Variants in CADPS observed in about 807,000 individuals in gnomAD.
CADPS encodes calcium dependent secretion activator, also known as calcium-dependent secretion activator 1.
Under a neutral mutation model 167.3 loss-of-function variants are expected in CADPS, and 57 were observed. That is an observed-to-expected ratio of 0.34 (90% CI 0.28 to 0.42). The LOEUF (loss-of-function observed/expected upper bound fraction) is 0.42. Among genes scored for constraint, CADPS ranks in the 20% least tolerant of loss-of-function variants. The pLI is 1.00. For synonymous variants in CADPS, 676 were observed against 635.3 expected (o/e 1.06, Z -0.96); for missense variants, 1,414 against 1,738.1 (o/e 0.81, Z 3.32).
intron 3 of CADPS, among the ~76,000 whole-genome samples, chr3:62,665,633 G>A (rs1579988315): frequency 6.6e-6 from 1 of 152,166 alleles, no homozygotes; most frequent in Admixed American, 6.5e-5. Flanking sequence ...GATCCATAGA[G>A]CCACCACTGG....
At chr3:62,724,537 C>T (rs2076392351) in intron 3 of CADPS, among the ~76,000 whole-genome samples, 1 of 151,964 alleles carries the variant, frequency 6.6e-6, no homozygotes, top group Non-Finnish European at 1.5e-5. Context: ...AATTTTAGTG[C>T]CAAAAAAAAG....
intron 3 of CADPS, among the ~76,000 whole-genome samples, chr3:62,709,826 G>C (rs1274901551): frequency 1.3e-5 from 2 of 152,018 alleles, no homozygotes; most frequent in Non-Finnish European, 2.9e-5. Flanking sequence ...CTGGAGTGCA[G>C]TGGTGTAATC....
intron 1 of CADPS, among the ~76,000 whole-genome samples, chr3:62,872,254 T>A (rs1288541010): frequency 2.6e-5 from 4 of 152,238 alleles, no homozygotes; most frequent in Non-Finnish European, 5.9e-5. Flanking sequence ...ACAGTGATTA[T>A]GCAAACCTTT....
intron 7 of CADPS, among the ~76,000 whole-genome samples, chr3:62,586,496 G>A (rs1201903645): frequency 6.6e-6 from 1 of 152,142 alleles, no homozygotes; most frequent in African/African-American, 2.4e-5. Context: ...AGGAGGAGGA[G>A]GAGGCCATGG....
chr3:62,718,381 T>C (rs1235228156), intron 3 of CADPS, among the ~76,000 whole-genome samples: 1 of 152,184 alleles, frequency 6.6e-6, no homozygotes, highest in African/African-American at 2.4e-5. Flanking sequence ...GCTACGTAGG[T>C]CAAACAATTT....
chr3:62,615,654 T>G (rs1348953195), intron 6 of CADPS, among the ~76,000 whole-genome samples: 1 of 152,074 alleles, frequency 6.6e-6, no homozygotes, highest in Non-Finnish European at 1.5e-5. Context: ...ACAGTGACTG[T>G]CTCACAATAT....
intron 13 of CADPS, among the ~76,000 whole-genome samples, chr3:62,524,232 C>G (rs566869117): frequency 3.3e-5 from 5 of 152,320 alleles, no homozygotes; most frequent in East Asian, 3.9e-4. Context: ...AAAGCATTAT[C>G]TTCTCAAAAG....
intron 2 of CADPS, among the ~76,000 whole-genome samples, chr3:62,754,566 G>T (rs1477504414): frequency 1.3e-5 from 2 of 152,128 alleles, no homozygotes; most frequent in African/African-American, 4.8e-5. Context: ...ACGATGCACT[G>T]CAGCCTCAAA....
chr3:62,854,196 C>G (rs938120865), intron 1 of CADPS, among the ~76,000 whole-genome samples: 2 of 152,110 alleles, frequency 1.3e-5, no homozygotes, highest in African/African-American at 4.8e-5. Flanking sequence ...TTAACACTTG[C>G]TAAGTTATAT....
chr3:62,461,880 C>G (rs957432675), intron 26 of CADPS, among the ~76,000 whole-genome samples: 17 of 152,258 alleles, frequency 1.1e-4, no homozygotes, highest in Admixed American at 2.6e-4. Context: ...CGAGAACACA[C>G]CTTTCTAGCT....
At chr3:62,822,487 T>C (rs2073160322) in intron 1 of CADPS, among the ~76,000 whole-genome samples, 1 of 152,124 alleles carries the variant, frequency 6.6e-6, no homozygotes, top group Non-Finnish European at 1.5e-5. Flanking sequence ...GGAAAACGGA[T>C]GGATTTCTCC....
At chr3:62,428,296 CTTTTTTT>C (rs34002756) in intron 28 of CADPS, among the ~76,000 whole-genome samples, 11 of 64,644 alleles carry the variant, frequency 1.7e-4, no homozygotes, top group Middle Eastern at 0.013. Flanking sequence ...GGAAGCAAGA[CTTTTTTT>C]TTTTTTTTTT....
At position 62,399,223 on chromosome 3, in the gene CADPS, G is replaced by T; in HGVS notation, c.*183C>A. On this transcript the variant is annotated 3_prime_UTR_variant, in exon 30 of 30. Transcript: ENST00000383710. This position sits in a 1 kb window ranked among gnomAD's most constrained non-coding sequence, Gnocchi z 5.6. ...GTAAACATATAGACATGGACATCAG[G>T]AAATCAGTGGATATGAAGGTCATTT... 1 of 581,090 alleles carries T rather than the reference G, an allele frequency of 1.7e-6. No homozygotes were observed. Among genetic ancestry groups the T allele is most frequent in the Admixed American group, 3.0e-5 (1 of 33,110 alleles). The allele number at this position is 581,090 out of a possible 1,614,324, so 36.0% of individuals were successfully genotyped here. A position where few individuals can be genotyped will look rare whatever the true frequency, so the allele number is the denominator to read the frequency against.
intron 6 of CADPS, among the ~76,000 whole-genome samples, chr3:62,604,598 G>C (rs1311612989): frequency 1.3e-5 from 2 of 152,236 alleles, no homozygotes; most frequent in Admixed American, 6.5e-5. Flanking sequence ...GGCATAGTGA[G>C]GAACTGTCAA....
At chr3:62,709,336 T>A (rs2151754189) in intron 3 of CADPS, among the ~76,000 whole-genome samples, 1 of 152,296 alleles carries the variant, frequency 6.6e-6, no homozygotes, top group East Asian at 1.9e-4. Flanking sequence ...AGGGCTTTAC[T>A]TTTGGAGAAT....
rs147667315 is a variant in CADPS at position 62,513,305 on chromosome 3, C to T, written c.2582-537G>A. On this transcript the variant is annotated intron_variant, in intron 16 of 29. Coordinates refer to ENST00000383710, the MANE Select transcript of CADPS (RefSeq NM_003716.4). ...CATTGCTCCCCAGCCTAGCTGCTAC[C>T]TTTTGATTGTGTACCAGTGACAAGC... 3.9e-3 allele frequency among the ~76,000 whole-genome samples: 594 copies of T among 152,174 alleles called. 3 individuals carry two copies. Among genetic ancestry groups the T allele is most frequent in the African/African-American group, 0.013 (528 of 41,558 alleles).
Position 62,585,242 on chromosome 3 carries a change from T to A in CADPS, c.1520A>T (p.Asp507Val). The stretch of plus-strand genomic sequence containing the variant: ...TCGGACAGCAAGTTTGATTTTGAGA[T>A]CTTGGTCGGGGCAGTTTTTGGAGAC... ...MTVSKNCPDQ[D>V]LKIKLAVRMD... Residue 507 changes from aspartate to valine, a missense_variant, in exon 8 of 30, where the codon GAT becomes GTT. This residue lies in a region of CADPS where 157 missense variants were observed against 229.4 expected (regional missense o/e 0.68). Transcript: ENST00000383710. 1 of 1,614,026 alleles carries A rather than the reference T, an allele frequency of 6.2e-7. No individual in the cohort carries two copies. Among genetic ancestry groups the A allele is most frequent in the Non-Finnish European group, 8.5e-7 (1 of 1,179,928 alleles).
At chr3:62,854,637 G>T (rs1452030356) in intron 1 of CADPS, among the ~76,000 whole-genome samples, 1 of 152,176 alleles carries the variant, frequency 6.6e-6, no homozygotes, top group Non-Finnish European at 1.5e-5. Context: ...GCAAAAGATT[G>T]CATGTTATCT....
At chr3:62,734,697 G>A (rs951940769) in intron 3 of CADPS, among the ~76,000 whole-genome samples, 6 of 152,036 alleles carry the variant, frequency 3.9e-5, no homozygotes, top group Admixed American at 6.6e-5. Flanking sequence ...GCCATAGTTT[G>A]TCCATTCTAC....
Sources: allele counts gnomAD v4.1 joint callset (sites outside exome capture counted in the v4.1 genomes callset), GRCh38; gene constraint gnomAD v4.1.1; regional missense constraint gnomAD v4.1.1; non-coding constraint Gnocchi (gnomAD v3.1); transcripts MANE v1.5; gene names NCBI Gene and HGNC (gene_info 2026-07-23, HGNC 2026-07-21).